DLG2: variants seen among roughly 807,000 people sequenced by gnomAD.
DLG2 encodes discs large MAGUK scaffold protein 2.
Under a neutral mutation model 132.5 loss-of-function variants are expected in DLG2, and 45 were observed. The ratio of observed to expected loss-of-function variants is 0.34; its 90% CI spans 0.27 to 0.44. The LOEUF is 0.44. Among genes scored for constraint, DLG2 ranks in the 20% least tolerant of loss-of-function variants. DLG2 has a pLI of 1.00. For synonymous variants in DLG2, 424 were observed against 419.6 expected (o/e 1.01, Z -0.13); for missense variants, 1,045 against 1,196.9 (o/e 0.87, Z 1.87).
intron 3 of DLG2, among the ~76,000 whole-genome samples, chr11:85,380,464 A>T (rs982989037): frequency 7.2e-5 from 11 of 152,204 alleles, no homozygotes; most frequent in Non-Finnish European, 1.5e-4. Flanking sequence ...GTTTGAGACC[A>T]GCCTGACCGA....
intron 10 of DLG2, among the ~76,000 whole-genome samples, chr11:84,067,576 A>ACG (rs984158733): frequency 2.0e-5 from 3 of 152,016 alleles, no homozygotes; most frequent in African/African-American, 7.3e-5. Flanking sequence ...ACACACACAC[A>ACG]CACACACAAA....
At chr11:84,716,731 G>A (rs904159903) in intron 6 of DLG2, among the ~76,000 whole-genome samples, 1 of 151,654 alleles carries the variant, frequency 6.6e-6, no homozygotes, top group African/African-American at 2.4e-5. Context: ...AAGGTAGGGG[G>A]GAACTGATAT....
chr11:85,411,927 A>G (rs1475567366), intron 3 of DLG2, among the ~76,000 whole-genome samples: 1 of 151,856 alleles, frequency 6.6e-6, no homozygotes, highest in Non-Finnish European at 1.5e-5. Context: ...CTCCAAACTT[A>G]TCTAAATTTA....
rs375117021 is a variant in DLG2 at position 84,517,653 on chromosome 11, T to C, written c.519+16917A>G. Among the ~76,000 whole-genome samples, 18 of 152,128 alleles carry C rather than the reference T, an allele frequency of 1.2e-4. No individual in the cohort carries two copies. The South Asian group carries it at 3.3e-3, about 28-fold the overall frequency. On this transcript the variant is annotated intron_variant, in intron 7 of 27. Coordinates refer to ENST00000376104, the MANE Select transcript of DLG2 (RefSeq NM_001142699.3). ...TTCAGTAATTCAACTATTGGGTATATAGCCAGAGTAAATAAAGTCAGTATG... is the reference window on the plus strand; with the variant it reads ...TTCAGTAATTCAACTATTGGGTATACAGCCAGAGTAAATAAAGTCAGTATG...
intron 7 of DLG2, among the ~76,000 whole-genome samples, chr11:84,292,776 A>G (rs1463839210): frequency 6.6e-6 from 1 of 152,220 alleles, no homozygotes; most frequent in Non-Finnish European, 1.5e-5. Flanking sequence ...AAAGTACTTC[A>G]GAAGTGGGAA....
chr11:83,821,849 AACATATAAAC>A (rs2050898769), intron 17 of DLG2, among the ~76,000 whole-genome samples: 1 of 152,178 alleles, frequency 6.6e-6, no homozygotes, highest in Non-Finnish European at 1.5e-5. Context: ...CATTTCCATC[AACATATAAAC>A]ACTGTTACAA....
chr11:83,840,923 C>T (rs1375462880), intron 16 of DLG2, among the ~76,000 whole-genome samples: 1 of 152,238 alleles, frequency 6.6e-6, no homozygotes, highest in East Asian at 1.9e-4. Flanking sequence ...TCTGTAATAC[C>T]CTTTTATCTT....
At position 83,894,716 on chromosome 11, in the gene DLG2, C is replaced by T. The variant is rs923088525; in HGVS notation, c.1497-20228G>A. Among the ~76,000 whole-genome samples, 4 of 152,242 alleles carry T rather than the reference C, an allele frequency of 2.6e-5. 1 individual carries two copies. The stretch of plus-strand genomic sequence containing the variant: ...AACAAATTATTGGTAGCTATAATTT[C>T]CTTACTGTACTATGGAATACAGAAC... On this transcript the variant is annotated intron_variant, in intron 15 of 27. Transcript: ENST00000376104.
At chr11:83,934,659 T>G (rs2081070361) in intron 14 of DLG2, among the ~76,000 whole-genome samples, 1 of 152,218 alleles carries the variant, frequency 6.6e-6, no homozygotes, top group Admixed American at 6.5e-5. Context: ...TATTGAGTTT[T>G]CTAACTCCCT....
At chr11:83,706,280 T>G (rs1227723546) in intron 18 of DLG2, among the ~76,000 whole-genome samples, 3 of 152,054 alleles carry the variant, frequency 2.0e-5, no homozygotes, top group African/African-American at 7.2e-5. Flanking sequence ...TTGACAATGT[T>G]TATTAAGCTC....
chr11:85,304,444 T>C (rs933491250), intron 3 of DLG2, among the ~76,000 whole-genome samples: 9 of 151,986 alleles, frequency 5.9e-5, no homozygotes, highest in Non-Finnish European at 1.2e-4. Flanking sequence ...TAACTGAAGG[T>C]CCAAGAATTT....
intron 6 of DLG2, among the ~76,000 whole-genome samples, chr11:85,105,263 C>T (rs984176561): frequency 5.3e-5 from 8 of 151,764 alleles, no homozygotes; most frequent in Admixed American, 2.0e-4. Context: ...CTGTGGGTTC[C>T]CTTTCTGGGC....
chr11:83,962,029 T>C (rs1261760361), intron 14 of DLG2, among the ~76,000 whole-genome samples: 2 of 152,052 alleles, frequency 1.3e-5, no homozygotes, highest in African/African-American at 2.4e-5. Context: ...CATATACCAG[T>C]GAGGAAAGCT....
At chr11:83,558,106 A>G (rs1450856147) in intron 19 of DLG2, among the ~76,000 whole-genome samples, 1 of 152,186 alleles carries the variant, frequency 6.6e-6, no homozygotes, top group African/African-American at 2.4e-5. Flanking sequence ...TGATAAAGTC[A>G]TATAGTTCAT....
chr11:84,555,151 G>T (rs759178701), intron 6 of DLG2, among the ~76,000 whole-genome samples: 2 of 152,098 alleles, frequency 1.3e-5, no homozygotes, highest in Admixed American at 1.3e-4. Flanking sequence ...AGAGTGATAT[G>T]ACCTGATATA....
chr11:85,030,437 A>G (rs2154144490), intron 6 of DLG2, among the ~76,000 whole-genome samples: 1 of 152,332 alleles, frequency 6.6e-6, no homozygotes, highest in East Asian at 1.9e-4. Context: ...TTTATTAAAA[A>G]GTTATACTGC....
intron 3 of DLG2, among the ~76,000 whole-genome samples, chr11:85,313,421 T>C (rs2080440820): frequency 6.6e-6 from 1 of 152,080 alleles, no homozygotes; most frequent in Non-Finnish European, 1.5e-5. Context: ...TTATCTGTTA[T>C]AGTAGCTAAT....
Position 83,581,997 on chromosome 11 carries a change from C to T in DLG2, c.1941-40139G>A, listed in dbSNP as rs182685185. On this transcript the variant is annotated intron_variant, in intron 19 of 27. Transcript: ENST00000376104. ...TTGAGATGGAGTTTCACTCTGGTTG[C>T]GCAGGCTGGAGTGCAATGGCTCAAT... Among the ~76,000 whole-genome samples, 768 of 108,222 alleles carry T rather than the reference C, an allele frequency of 7.1e-3. 4 individuals carry two copies. The highest frequency in any genetic ancestry group is 0.037 in the Middle Eastern group (3 of 82). 71.0% of individuals were successfully genotyped at this position (108,222 alleles called of 152,430 possible).
intron 19 of DLG2, among the ~76,000 whole-genome samples, chr11:83,610,378 G>C (rs923997363): frequency 6.6e-6 from 1 of 152,174 alleles, no homozygotes; most frequent in Non-Finnish European, 1.5e-5. Flanking sequence ...ATCAGTGTGG[G>C]AAAAAGGAAT....
Sources: gnomAD v4.1 joint callset for allele counts (sites outside exome capture counted in the v4.1 genomes callset) on GRCh38, gnomAD v4.1.1 for gene constraint, MANE v1.5 for transcripts, NCBI Gene and HGNC (gene_info 2026-07-23, HGNC 2026-07-21) for gene names.